The following GLI2 variants were observed in gnomAD, a reference collection of about 807,000 sequenced individuals.
The protein encoded by GLI2 is GLI family zinc finger 2, also known as transcription activator GLI2.
In GLI2, 22 loss-of-function variants were observed where a neutral mutation model predicts 78.9. That is an observed-to-expected ratio of 0.28 (90% CI 0.20 to 0.40). The LOEUF (loss-of-function observed/expected upper bound fraction) is 0.40. Ranked by LOEUF, GLI2 falls within the 10% of genes least tolerant of loss-of-function variation. The probability of loss-of-function intolerance (pLI) is 1.00; values close to 1 mark genes in which losing one functional copy is unlikely to be tolerated. For missense variants in GLI2, 2,097 were observed against 2,213.2 expected (o/e 0.95, Z 1.05); for synonymous variants, 974 against 963.7 (o/e 1.01, Z -0.20).
rs543480648 is a variant in GLI2, at chr2:120,884,050, C to T, written c.149-43311C>T. ...GCCACCACCTGAAGTTAGGGCAGCC[C>T]CAGCCCTGGGGGAGACTTTAGGGGC... On this transcript the variant is annotated intron_variant, in intron 2 of 13. Transcript: ENST00000361492. Among the ~76,000 whole-genome samples the T allele has an allele frequency of 3.3e-5, 5 of 152,308 alleles. No individual in the cohort carries two copies. In the South Asian group the frequency reaches 6.2e-4, roughly 19 times the overall value.
chr2:120,955,153 CTTTTTTTTTTTTTTTTT>C, intron 4 of GLI2, 75 bp from the exon 5 acceptor site: 1 of 146,278 alleles, frequency 6.8e-6, no homozygotes, highest in Non-Finnish European at 1.5e-5. Flanking sequence ...TTCTCTCTGC[CTTTTTTTTTTTTTTTTT>C]TTTTTTTTTT....
In GLI2 at chr2:120,986,427, A is replaced by G. The variant is rs1682979699; in HGVS notation, c.2055A>G (p.Pro685=). The change falls in exon 13 of 14, where the codon CCA becomes CCG. Residue 685 remains proline (P), a synonymous_variant. Coordinates refer to ENST00000361492, the MANE Select transcript of GLI2 (RefSeq NM_001374353.1). The part of the protein sequence containing the change: ...GDLTALDDTP[P]GADTSALAAP... Reference sequence around the variant, plus strand: ...TGACGGCACTGGATGACACACCCCCAGGGGCCGACACCTCAGCCCTGGCTG... The same window carrying G: ...TGACGGCACTGGATGACACACCCCCGGGGGCCGACACCTCAGCCCTGGCTG... 2 of 1,613,832 alleles carry G rather than the reference A, an allele frequency of 1.2e-6. No individual in the cohort carries two copies. The highest frequency in any genetic ancestry group is 1.7e-6 in the Non-Finnish European group (2 of 1,179,994).
chr2:120,985,602 C>G (rs886515721), intron 12 of GLI2, among the ~76,000 whole-genome samples: 3 of 152,172 alleles, frequency 2.0e-5, no homozygotes, highest in African/African-American at 4.8e-5. Flanking sequence ...GAATTTGGGG[C>G]CATTTGGCCT....
chr2:120,947,996 T>C (rs1035234909), intron 3 of GLI2, among the ~76,000 whole-genome samples: 3 of 152,198 alleles, frequency 2.0e-5, no homozygotes, highest in Non-Finnish European at 1.5e-5. Context: ...CTGCCCCTGA[T>C]AGAATCTGTT....
Position 120,853,034 on chromosome 2 carries a change from C to T in GLI2, c.148+55566C>T, listed in dbSNP as rs570889163. 3.0e-4 allele frequency among the ~76,000 whole-genome samples: 45 copies of T among 152,224 alleles called. 1 individual carries two copies. The highest frequency in any genetic ancestry group is 5.9e-4 in the Non-Finnish European group (40 of 68,044). ...CAAATCGAAAATCCCAAATCCCCTA[C>T]CCTCTCTGGCCCTCGACATGATCGC... is the stretch of plus-strand genomic sequence containing the variant. On this transcript the variant is annotated intron_variant, in intron 2 of 13. Coordinates refer to ENST00000361492, the MANE Select transcript of GLI2 (RefSeq NM_001374353.1).
In GLI2 at chr2:120,819,778, T is replaced by C. The variant is rs145509559; in HGVS notation, c.148+22310T>C. On this transcript the variant is annotated intron_variant, in intron 2 of 13. Transcript: ENST00000361492. ...CCCACTGGCCAAGCCCCCAGGGAGC[T>C]CACCAGCTAAGAAGAAGGACTGATC... is the stretch of plus-strand genomic sequence containing the variant. 1.2e-3 allele frequency among the ~76,000 whole-genome samples: 182 copies of C among 152,260 alleles called. 7 individuals are homozygous for C. The East Asian group carries it at 0.024, about 20-fold the overall frequency.
At chr2:120,750,277 A>G (rs1401927014) in intron 1 of GLI2, among the ~76,000 whole-genome samples, 1 of 152,118 alleles carries the variant, frequency 6.6e-6, no homozygotes. Flanking sequence ...TTTGGGGGCA[A>G]GTTTGGGTGC....
At chr2:120,741,980 GC>G (rs1682560916) in intron 1 of GLI2, among the ~76,000 whole-genome samples, 1 of 152,216 alleles carries the variant, frequency 6.6e-6, no homozygotes, top group African/African-American at 2.4e-5. Context: ...TCCGAGGGGC[GC>G]CCCGGGTCTT....
chr2:120,988,180 C>G, intron 13 of GLI2, 28 bp from the exon 14 acceptor site: 1 of 1,571,566 alleles, frequency 6.4e-7, no homozygotes, highest in Non-Finnish European at 8.6e-7. Flanking sequence ...ACCCTTGTCC[C>G]GGTGCTGACC....
At chr2:120,933,974 G>A (rs1250302202) in intron 3 of GLI2, among the ~76,000 whole-genome samples, 1 of 152,144 alleles carries the variant, frequency 6.6e-6, no homozygotes. Context: ...TCCCAAACCT[G>A]GCTGCAGATC....
intron 2 of GLI2, among the ~76,000 whole-genome samples, chr2:120,881,618 A>G (rs1573530612): frequency 1.8e-5 from 1 of 55,176 alleles, no homozygotes; most frequent in Non-Finnish European, 3.4e-5. Context: ...GGGGGGGAGG[A>G]CAGGTGGGGG....
chr2:120,912,917 C>G (rs1292971809), intron 2 of GLI2, among the ~76,000 whole-genome samples: 1 of 152,170 alleles, frequency 6.6e-6, no homozygotes, highest in African/African-American at 2.4e-5. Context: ...TGACTTAATC[C>G]CTTGGGCGGG....
intron 2 of GLI2, chr2:120,867,073 CT>C (rs1319345925): frequency 1.3e-5 from 2 of 152,324 alleles, no homozygotes; most frequent in African/African-American, 4.8e-5. Context: ...TTGGACAAGT[CT>C]CCCTCCCTTC....
At chr2:120,776,801 G>T (rs1683689155) in intron 1 of GLI2, among the ~76,000 whole-genome samples, 1 of 152,220 alleles carries the variant, frequency 6.6e-6, no homozygotes, top group South Asian at 2.1e-4. Flanking sequence ...GAGCCAGAGG[G>T]CCGAGTGGGG....
chr2:120,875,972 G>A (rs1411263950), intron 2 of GLI2, among the ~76,000 whole-genome samples: 1 of 152,186 alleles, frequency 6.6e-6, no homozygotes, highest in African/African-American at 2.4e-5. Flanking sequence ...GGGAAAGAAT[G>A]GACTGTTCAG....
At chr2:120,826,700 TGGCTTTGAACCCA>T (rs1236410234) in intron 2 of GLI2, among the ~76,000 whole-genome samples, 3 of 152,210 alleles carry the variant, frequency 2.0e-5, no homozygotes, top group African/African-American at 7.2e-5. Flanking sequence ...GTTGGGGAAG[TGGCTTTGAACCCA>T]GGCCCATGGG....
intron 2 of GLI2, among the ~76,000 whole-genome samples, chr2:120,822,776 C>T (rs1280939359): frequency 6.6e-6 from 1 of 152,136 alleles, no homozygotes; most frequent in African/African-American, 2.4e-5. Flanking sequence ...ACAAAACACA[C>T]AAAAGTAACT....
intron 2 of GLI2, among the ~76,000 whole-genome samples, chr2:120,814,639 T>G (rs1015480147): frequency 1.3e-5 from 2 of 152,166 alleles, no homozygotes; most frequent in Non-Finnish European, 2.9e-5. Flanking sequence ...TTCTGTCAGA[T>G]CAGCAGCGGC....
In GLI2 at chr2:120,990,448, T is replaced by C. The variant is rs1261322311; in HGVS notation, c.4483T>C (p.Phe1495Leu). The change falls in exon 14 of 14, where the codon TTC (phenylalanine) becomes CTC (leucine). Residue 1495 changes from phenylalanine (F) to leucine (L), a missense_variant. By Grantham distance (22) the Phe-to-Leu change is conservative. Coordinates refer to ENST00000361492, the MANE Select transcript of GLI2 (RefSeq NM_001374353.1). ...GCTCCTGGAGGCCCCCCAGATTGACTTCGATGCCATCATGGATGATGGCGA... is the reference window on the plus strand; with the variant it reads ...GCTCCTGGAGGCCCCCCAGATTGACCTCGATGCCATCATGGATGATGGCGA... ...SQLLEAPQIDFDAIMDDGDHS... is the reference protein window; with the variant it reads ...SQLLEAPQIDLDAIMDDGDHS... 6.2e-7 allele frequency: 1 copy of C among 1,613,868 alleles called. No homozygotes were observed. Among genetic ancestry groups the C allele is most frequent in the African/African-American group, 1.3e-5 (1 of 74,874 alleles).
Sources: gnomAD v4.1 joint callset for allele counts (sites outside exome capture counted in the v4.1 genomes callset) on GRCh38, gnomAD v4.1.1 for gene constraint, MANE v1.5 for transcripts, NCBI Gene and HGNC (gene_info 2026-07-23, HGNC 2026-07-21) for gene names.